Variants in GRB10 observed in about 807,000 individuals in gnomAD.
GRB10 encodes growth factor receptor bound protein 10.
A neutral mutation model predicts 80.9 loss-of-function variants in GRB10; 20 were observed. The observed-to-expected ratio is 0.25, with a 90% CI of 0.17 to 0.36. The LOEUF (loss-of-function observed/expected upper bound fraction) is 0.36. Ranked by LOEUF, GRB10 falls within the 10% of genes least tolerant of loss-of-function variation. The probability of loss-of-function intolerance (pLI) is 1.00; values close to 1 mark genes in which losing one functional copy is unlikely to be tolerated. For missense variants in GRB10, 548 were observed against 747.7 expected, an observed-to-expected ratio of 0.73 and a Z score of 3.12; for synonymous variants, 291 against 291.5, an observed-to-expected ratio of 1.00 and a Z score of 0.02.
chr7:50,699,211 CAA>C (rs140639488), intron 5 of GRB10, among the ~76,000 whole-genome samples: 6,600 of 152,126 alleles, frequency 0.043, 483 homozygotes, highest in African/African-American at 0.15. Context: ...TAATTATTTG[CAA>C]AAAGACACAT....
intron 4 of GRB10, among the ~76,000 whole-genome samples, chr7:50,730,522 T>C (rs985496373): frequency 3.9e-5 from 6 of 152,216 alleles, no homozygotes; most frequent in Non-Finnish European, 8.8e-5. Context: ...ACAAGGGACA[T>C]ATGCCGCCAA....
chr7:50,660,639 AG>A, intron 7 of GRB10, among the ~76,000 whole-genome samples: 1 of 152,144 alleles, frequency 6.6e-6, no homozygotes, highest in Non-Finnish European at 1.5e-5. Context: ...AAATGGTTAC[AG>A]GCAGGTGGCT....
intron 2 of GRB10, among the ~76,000 whole-genome samples, chr7:50,769,815 C>G (rs73697738): frequency 0.021 from 3,237 of 152,000 alleles, 115 homozygotes; most frequent in African/African-American, 0.074. Context: ...AAAAAAAAAG[C>G]CAGCCTTCTT....
chr7:50,789,403 C>A (rs1011535379), intron 1 of GRB10, among the ~76,000 whole-genome samples: 3 of 152,348 alleles, frequency 2.0e-5, no homozygotes, highest in Admixed American at 6.5e-5. Flanking sequence ...GTGCTACCTT[C>A]CCAACAAGCC....
intron 7 of GRB10, among the ~76,000 whole-genome samples, chr7:50,667,760 C>T (rs989688601): frequency 6.6e-6 from 1 of 152,008 alleles, no homozygotes; most frequent in African/African-American, 2.4e-5. Flanking sequence ...GGCTTGAGGA[C>T]ACGAGTGACA....
intron 13 of GRB10, among the ~76,000 whole-genome samples, chr7:50,607,318 A>G (rs2048714770): frequency 6.6e-6 from 1 of 152,182 alleles, no homozygotes; most frequent in African/African-American, 2.4e-5. Context: ...TTCAGTTTTG[A>G]TAAATTTTAA....
chr7:50,737,966 T>A (rs192657395), intron 3 of GRB10, among the ~76,000 whole-genome samples: 13 of 152,318 alleles, frequency 8.5e-5, no homozygotes, highest in Admixed American at 8.5e-4. Context: ...AGGGCTTGAA[T>A]AGACTTTTCT....
At chr7:50,772,101 C>T (rs6976572) in intron 2 of GRB10, among the ~76,000 whole-genome samples, 69,430 of 151,966 alleles carry the variant, frequency 0.46, 17,011 homozygotes, top group Non-Finnish European at 0.57. Flanking sequence ...TCCTTCAACA[C>T]CACCACGGCC....
intron 5 of GRB10, among the ~76,000 whole-genome samples, chr7:50,688,111 A>C (rs913588485): frequency 1.3e-5 from 2 of 152,248 alleles, no homozygotes; most frequent in African/African-American, 2.4e-5. Context: ...AAATGCTATC[A>C]GCCACATTTC....
chr7:50,736,057 G>A (rs749573739), intron 3 of GRB10, among the ~76,000 whole-genome samples: 6 of 151,876 alleles, frequency 4.0e-5, no homozygotes, highest in Non-Finnish European at 4.4e-5. Context: ...AGACCAAGGC[G>A]GGCGGATCAC....
At chr7:50,734,220 C>T (rs7793570) in intron 3 of GRB10, among the ~76,000 whole-genome samples, 84,845 of 151,918 alleles carry the variant, frequency 0.56, 26,425 homozygotes, top group Middle Eastern at 0.8. Context: ...GCCAGGCGGC[C>T]TCTGCCTTCC....
At position 50,674,483 on chromosome 7, in the gene GRB10, C is replaced by G. The variant is rs1800504; in HGVS notation, c.315G>C (p.Pro105=). The G allele has an allele frequency of 6.2e-7, 1 of 1,608,230 alleles. No individual in the cohort carries two copies. The highest frequency in any genetic ancestry group is 1.3e-5 in the African/African-American group (1 of 74,986). Residue 105 remains proline (P), a synonymous_variant, in exon 6 of 19, where the codon CCG becomes CCC. Transcript: ENST00000401949. ...PPRSIQPQVS[P]RQRVQRSQPV... is the part of the protein sequence containing the mutation. Reference sequence around the variant, plus strand: ...GCTGGGAGCGCTGCACCCTCTGCCTCGGGGACACCTGTGGCTGGATGGACC... The same window carrying G: ...GCTGGGAGCGCTGCACCCTCTGCCTGGGGGACACCTGTGGCTGGATGGACC...
intron 4 of GRB10, among the ~76,000 whole-genome samples, chr7:50,718,073 C>A (rs1030534062): frequency 2.0e-5 from 3 of 152,216 alleles, no homozygotes; most frequent in Non-Finnish European, 4.4e-5. Context: ...TTCCAGCCCA[C>A]TGACTAAGTG....
rs775189534 is a variant in GRB10, at chr7:50,604,105, G to A, written c.1457-20C>T. 4.4e-6 allele frequency: 7 copies of A among 1,596,438 alleles called. No homozygotes were observed. The highest frequency in any genetic ancestry group is 8.6e-7 in the Non-Finnish European group (1 of 1,164,022). ...GAATCACTGTGGGGGGAAGACAGGA[G>A]GAGGGTAGGATGGTGGTGCCTCTGC... On this transcript the variant is annotated intron_variant, in intron 16 of 18. Transcript: ENST00000401949.
intron 7 of GRB10, among the ~76,000 whole-genome samples, chr7:50,661,686 T>C (rs1412229241): frequency 6.6e-6 from 1 of 152,208 alleles, no homozygotes; most frequent in Non-Finnish European, 1.5e-5. Context: ...TTCTTCAACA[T>C]GTGAATCTGT....
intron 7 of GRB10, among the ~76,000 whole-genome samples, chr7:50,650,789 G>GT (rs1244261999): frequency 6.6e-6 from 1 of 152,188 alleles, no homozygotes; most frequent in Admixed American, 6.5e-5. Context: ...AAGAAAAGGA[G>GT]TAACAAGTTG....
intron 2 of GRB10, among the ~76,000 whole-genome samples, chr7:50,761,253 T>C (rs1020564252): frequency 6.6e-6 from 1 of 152,244 alleles, no homozygotes; most frequent in African/African-American, 2.4e-5. Context: ...AAATATCATT[T>C]CTACCATAAG....
intron 1 of GRB10, among the ~76,000 whole-genome samples, chr7:50,791,120 A>G (rs1286149063): frequency 6.6e-6 from 1 of 152,214 alleles, no homozygotes; most frequent in Non-Finnish European, 1.5e-5. Context: ...CGCTGCCCCA[A>G]AAGTGACCAA....
intron 3 of GRB10, among the ~76,000 whole-genome samples, chr7:50,746,424 G>C (rs2072918049): frequency 6.6e-6 from 1 of 152,160 alleles, no homozygotes; most frequent in Admixed American, 6.5e-5. Context: ...TATCAGAATG[G>C]AACCCTGTAA....
Sources: gnomAD v4.1 joint callset for allele counts (sites outside exome capture counted in the v4.1 genomes callset) on GRCh38, gnomAD v4.1.1 for gene constraint, MANE v1.5 for transcripts, NCBI Gene and HGNC (gene_info 2026-07-23, HGNC 2026-07-21) for gene names.